LAMA2: variants seen among roughly 807,000 people sequenced by gnomAD.
LAMA2 encodes the protein laminin subunit alpha-2.
LAMA2 carries 269 observed loss-of-function variants against 364.8 expected under a neutral mutation model. The ratio of observed to expected loss-of-function variants is 0.74; its 90% confidence interval spans 0.67 to 0.82. The LOEUF (loss-of-function observed/expected upper bound fraction) is 0.82, where lower values mean the gene tolerates loss of function less well. Ranked by LOEUF, LAMA2 falls within the 40% of genes least tolerant of loss-of-function variation. The pLI is 0.00. For synonymous variants in LAMA2, 1,379 were observed against 1,370.6 expected, an observed-to-expected ratio of 1.01 and a Z score of -0.14; for missense variants, 3,807 against 3,873.2, an observed-to-expected ratio of 0.98 and a Z score of 0.45.
rs2297738 is a variant in LAMA2 at position 129,440,967 on chromosome 6, G to A, written c.6237G>A (p.Thr2079=). The A allele has an allele frequency of 0.16, 262,456 of 1,612,810 alleles. 21,946 individuals carry two copies. The highest frequency in any genetic ancestry group is 0.21 in the Admixed American group (12,821 of 59,976). Residue 2079 remains threonine, a synonymous_variant, in exon 43 of 65, where the codon ACG becomes ACA. Transcript: ENST00000421865. ...YNKLADSVAK[T]NAVVKDPSKN... ...AACTAGCAGACAGCGTCGCCAAAACGAATGCTGTGGTTAAAGATCCTTCCA... is the reference window on the plus strand; with the variant it reads ...AACTAGCAGACAGCGTCGCCAAAACAAATGCTGTGGTTAAAGATCCTTCCA...
intron 3 of LAMA2, among the ~76,000 whole-genome samples, chr6:129,088,041 G>C (rs74767259): frequency 2.8e-4 from 19 of 68,736 alleles, no homozygotes; most frequent in African/African-American, 6.6e-4. Context: ...AGGACCCTGC[G>C]GCCTTCCGCC....
In LAMA2 at chr6:129,428,477, T is replaced by A. The variant is rs1436936977; in HGVS notation, c.5968+623T>A. 2.6e-5 allele frequency among the ~76,000 whole-genome samples: 4 copies of A among 152,290 alleles called. No individual in the cohort carries two copies. In the East Asian group the frequency reaches 5.8e-4, roughly 22 times the overall value. ...TAAATACATTTTTCTTTTTCTGAGA[T>A]GAAGTCTCGCTCTGTCAACCAGGCT... On this transcript the variant is annotated intron_variant, in intron 41 of 64. Coordinates refer to ENST00000421865, the MANE Select transcript of LAMA2 (RefSeq NM_000426.4).
At chr6:128,985,694 G>A (rs1414648679) in intron 1 of LAMA2, among the ~76,000 whole-genome samples, 1 of 151,234 alleles carries the variant, frequency 6.6e-6, no homozygotes, top group Non-Finnish European at 1.5e-5. Flanking sequence ...TTTTTCATCT[G>A]TAACCCTACC....
intron 27 of LAMA2, among the ~76,000 whole-genome samples, chr6:129,318,889 G>T (rs1774779144): frequency 6.6e-6 from 1 of 152,128 alleles, no homozygotes; most frequent in Admixed American, 6.5e-5. Flanking sequence ...ACTATTCATT[G>T]TCACATTTTA....
intron 1 of LAMA2, among the ~76,000 whole-genome samples, chr6:129,042,696 C>T (rs1459267095): frequency 1.3e-5 from 2 of 152,102 alleles, no homozygotes; most frequent in Non-Finnish European, 1.5e-5. Flanking sequence ...CAAAGGCAAC[C>T]ATTTTTCCTG....
intron 52 of LAMA2, 111 bp from the exon 53 acceptor site, chr6:129,475,279 A>G: frequency 1.4e-6 from 1 of 699,646 alleles, no homozygotes; most frequent in Non-Finnish European, 2.3e-6. Context: ...TCCCTGTGAA[A>G]TGATTTTTTA....
chr6:129,429,852 G>A (rs1781502741), intron 41 of LAMA2, among the ~76,000 whole-genome samples: 1 of 152,020 alleles, frequency 6.6e-6, no homozygotes, highest in Non-Finnish European at 1.5e-5. Context: ...ACAAACACTG[G>A]TATTATAAAA....
At chr6:129,172,500 C>T (rs1583184597) in intron 9 of LAMA2, among the ~76,000 whole-genome samples, 1 of 152,232 alleles carries the variant, frequency 6.6e-6, no homozygotes, top group Non-Finnish European at 1.5e-5. Context: ...GGTCAGGGGT[C>T]AGGGACCCAC....
At position 129,250,229 on chromosome 6, in the gene LAMA2, C is replaced by T. The variant is rs371940258; in HGVS notation, c.1884+16C>T. On this transcript the variant is annotated intron_variant, in intron 13 of 64. Coordinates refer to ENST00000421865, the MANE Select transcript of LAMA2 (RefSeq NM_000426.4). ...TATCTTAGAGGTAGAGTACTGAGAG[C>T]ATGTTCACCCGTGTTACTTCCTGAT... 12 of 1,409,454 alleles carry T rather than the reference C, an allele frequency of 8.5e-6. No homozygotes were observed. In the African/African-American group the frequency reaches 1.6e-4, roughly 19 times the overall value. The allele number at this position is 1,409,454 out of a possible 1,614,324, so 87.3% of individuals were successfully genotyped here. A position where few individuals can be genotyped will look rare whatever the true frequency, so the allele number is the denominator to read the frequency against.
chr6:129,447,340 G>T (rs1270923737), intron 45 of LAMA2, among the ~76,000 whole-genome samples: 1 of 152,208 alleles, frequency 6.6e-6, no homozygotes, highest in Admixed American at 6.5e-5. Context: ...AAGGATTTGA[G>T]CCAGGCATTG....
intron 9 of LAMA2, among the ~76,000 whole-genome samples, chr6:129,175,989 A>G (rs1780565338): frequency 6.7e-6 from 1 of 150,220 alleles, no homozygotes; most frequent in Non-Finnish European, 1.5e-5. Flanking sequence ...TGGTGTTTAT[A>G]TTTTCTCTTT....
At chr6:129,376,573 A>G (rs1778387849) in intron 34 of LAMA2, among the ~76,000 whole-genome samples, 1 of 151,960 alleles carries the variant, frequency 6.6e-6, no homozygotes, top group Non-Finnish European at 1.5e-5. Flanking sequence ...CACATCTCCC[A>G]TCACTTGTGC....
At chr6:129,263,062 A>G (rs1787245070) in intron 15 of LAMA2, among the ~76,000 whole-genome samples, 1 of 152,170 alleles carries the variant, frequency 6.6e-6, no homozygotes, top group African/African-American at 2.4e-5. Flanking sequence ...CAGGGGATAT[A>G]CTATTAAAAA....
chr6:129,403,919 C>T lies in LAMA2; in HGVS notation c.5825C>T (p.Ala1942Val), dbSNP rs144318893. 6 of 1,613,690 alleles carry T rather than the reference C, an allele frequency of 3.7e-6. No individual in the cohort carries two copies. Among genetic ancestry groups the T allele is most frequent in the Non-Finnish European group, 5.1e-6 (6 of 1,179,872 alleles). The change falls in exon 40 of 65, where the codon GCC becomes GTC. Residue 1942 changes from alanine to valine, a missense_variant. By Grantham distance (64) the Ala-to-Val change is moderately conservative. This residue lies in a region of LAMA2 where 3,333 missense variants were observed against 3,345.7 expected (regional missense o/e 1.00). Transcript: ENST00000421865. Reference sequence around the variant, plus strand: ...TATATTGATGAAGCTGAGAAAGTTGCCAAAGAAGCCAAAGATCTTGCACAT... The same window carrying T: ...TATATTGATGAAGCTGAGAAAGTTGTCAAAGAAGCCAAAGATCTTGCACAT... Reference protein sequence around the residue: ...KDYIDEAEKVAKEAKDLAHEA... With the variant: ...KDYIDEAEKVVKEAKDLAHEA...
chr6:129,317,175 G>A (rs951048123), intron 27 of LAMA2, among the ~76,000 whole-genome samples: 31 of 152,102 alleles, frequency 2.0e-4, no homozygotes, highest in Admixed American at 3.3e-4. Flanking sequence ...ACAGATTTAG[G>A]TAAGTTTCAT....
At position 128,922,942 on chromosome 6, in the gene LAMA2, C is replaced by A. The variant is rs1220118283; in HGVS notation, c.112+39585C>A. Reference sequence around the variant, plus strand: ...TTCTACATATGGCTAGCCAGTTTTCCCAGCACCATTTATTAAATAGGGAAT... The same window carrying A: ...TTCTACATATGGCTAGCCAGTTTTCACAGCACCATTTATTAAATAGGGAAT... On this transcript the variant is annotated intron_variant, in intron 1 of 64. Transcript: ENST00000421865. 6.6e-5 allele frequency among the ~76,000 whole-genome samples: 10 copies of A among 151,812 alleles called. No homozygotes were observed. In the East Asian group the frequency reaches 1.9e-3, roughly 29 times the overall value.
In LAMA2 at chr6:128,949,044, A is replaced by G. The variant is rs79081279; in HGVS notation, c.112+65687A>G. 1.9e-3 allele frequency among the ~76,000 whole-genome samples: 289 copies of G among 152,352 alleles called. 2 individuals are homozygous for G. Among genetic ancestry groups the G allele is most frequent in the African/African-American group, 6.3e-3 (261 of 41,588 alleles). On this transcript the variant is annotated intron_variant, in intron 1 of 64. Coordinates refer to ENST00000421865, the MANE Select transcript of LAMA2 (RefSeq NM_000426.4). ...AGTGCACATCCCCCCGATGTAGGAT[A>G]AATATGGTATGAATATTTGAATATT...
chr6:129,440,064 AACAG>A (rs539783063), intron 42 of LAMA2, among the ~76,000 whole-genome samples: 12 of 152,066 alleles, frequency 7.9e-5, no homozygotes, highest in African/African-American at 1.7e-4. Context: ...ACAGGTGAGA[AACAG>A]ACAGAGGATA....
chr6:129,200,705 G>A (rs555198457), intron 12 of LAMA2, among the ~76,000 whole-genome samples: 2 of 151,984 alleles, frequency 1.3e-5, no homozygotes, highest in African/African-American at 4.8e-5. Flanking sequence ...TAATGACTAA[G>A]GCAAAATGCT....
Sources: gnomAD v4.1 joint callset for allele counts (sites outside exome capture counted in the v4.1 genomes callset) on GRCh38, gnomAD v4.1.1 for gene constraint, gnomAD v4.1.1 regional missense constraint, MANE v1.5 for transcripts, NCBI Gene and HGNC (gene_info 2026-07-23, HGNC 2026-07-21) for gene names.